Variants in HDAC9 observed in about 807,000 individuals in gnomAD.
HDAC9 encodes histone deacetylase 9, also known as MEF-2 interacting transcription repressor (MITR) protein.
Under a neutral mutation model 139.4 loss-of-function variants are expected in HDAC9, and 41 were observed. The observed-to-expected ratio is 0.29, with a 90% CI of 0.23 to 0.38. The LOEUF (loss-of-function observed/expected upper bound fraction) is 0.38, where lower values mean the gene tolerates loss of function less well. Ranked by LOEUF, HDAC9 falls within the 10% of genes least tolerant of loss-of-function variation. The pLI is 1.00. For synonymous variants in HDAC9, 517 were observed against 476.2 expected (o/e 1.09, Z -1.12); for missense variants, 1,147 against 1,297.0 (o/e 0.88, Z 1.78).
At chr7:18,744,012 G>GTTTTTTTTTTTTTTTTTTTTT (rs35414332) in intron 13 of HDAC9, among the ~76,000 whole-genome samples, 2 of 110,448 alleles carry the variant, frequency 1.8e-5, no homozygotes, top group East Asian at 3.6e-4. Context: ...TTTACTACTA[G>GTTTTTTTTTTTTTTTTTTTTT]TTTTTTTTTT....
chr7:18,425,423 T>C (rs903165405), intron 1 of HDAC9, among the ~76,000 whole-genome samples: 2 of 152,198 alleles, frequency 1.3e-5, no homozygotes, highest in African/African-American at 2.4e-5. Flanking sequence ...CATGACACAT[T>C]TTCCCATTCA....
intron 2 of HDAC9, among the ~76,000 whole-genome samples, chr7:18,506,944 GT>G (rs1428560105): frequency 6.6e-6 from 1 of 151,984 alleles, no homozygotes; most frequent in Non-Finnish European, 1.5e-5. Flanking sequence ...TTTGAGAAGT[GT>G]TCTCTCAATT....
intron 22 of HDAC9, among the ~76,000 whole-genome samples, chr7:18,928,596 A>C (rs1485854205): frequency 2.0e-5 from 3 of 152,140 alleles, no homozygotes; most frequent in African/African-American, 7.2e-5. Context: ...AAATATCTAA[A>C]AACAGAATTG....
chr7:18,698,831 TATC>T (rs1346670887), intron 12 of HDAC9, among the ~76,000 whole-genome samples: 5 of 152,084 alleles, frequency 3.3e-5, no homozygotes, highest in African/African-American at 1.2e-4. Context: ...ATTATTCTTG[TATC>T]ACATTAGTTA....
chr7:18,216,544 G>A (rs1445569859), intron 2 of HDAC9, among the ~76,000 whole-genome samples: 1 of 152,004 alleles, frequency 6.6e-6, no homozygotes, highest in Non-Finnish European at 1.5e-5. Flanking sequence ...GAACTACCCT[G>A]GCCTATGCAC....
intron 8 of HDAC9, among the ~76,000 whole-genome samples, chr7:18,635,399 A>G (rs1783580265): frequency 6.6e-6 from 1 of 152,042 alleles, no homozygotes; most frequent in African/African-American, 2.4e-5. Flanking sequence ...TGGACAAGAT[A>G]TGAACTCTAT....
At chr7:18,928,318 G>T (rs554484783) in intron 22 of HDAC9, among the ~76,000 whole-genome samples, 1 of 152,274 alleles carries the variant, frequency 6.6e-6, no homozygotes, top group South Asian at 2.1e-4. Context: ...AATAGGCATT[G>T]CTAAATATAC....
intron 1 of HDAC9, among the ~76,000 whole-genome samples, chr7:18,474,958 T>C (rs889402596): frequency 2.0e-5 from 3 of 152,176 alleles, no homozygotes; most frequent in African/African-American, 7.2e-5. Context: ...ATGTCACTTA[T>C]TGGGAAGCAT....
chr7:18,668,189 C>A, intron 12 of HDAC9: 1 of 855,250 alleles, frequency 1.2e-6, no homozygotes, highest in Non-Finnish European at 1.4e-6. Flanking sequence ...ATTAACATAA[C>A]TAGAAGTTAG....
chr7:18,650,325 G>A (rs75194130), intron 11 of HDAC9, among the ~76,000 whole-genome samples: 3 of 152,144 alleles, frequency 2.0e-5, no homozygotes, highest in Non-Finnish European at 4.4e-5. Context: ...GTATTAGATA[G>A]TAGATAGACT....
intron 1 of HDAC9, among the ~76,000 whole-genome samples, chr7:18,474,521 A>T (rs1794967011): frequency 6.6e-6 from 1 of 152,216 alleles, no homozygotes; most frequent in African/African-American, 2.4e-5. Flanking sequence ...ATATTTTATT[A>T]TCTTTGAACT....
chr7:18,268,584 A>T (rs1469166170), intron 2 of HDAC9, among the ~76,000 whole-genome samples: 1 of 152,174 alleles, frequency 6.6e-6, no homozygotes, highest in African/African-American at 2.4e-5. Flanking sequence ...GTTTAAAGAG[A>T]AAAAGAAACT....
intron 21 of HDAC9, among the ~76,000 whole-genome samples, chr7:18,874,126 A>G (rs1799137372): frequency 6.6e-6 from 1 of 152,022 alleles, no homozygotes; most frequent in South Asian, 2.1e-4. Context: ...TTTCCTCTGT[A>G]AAACATTAGT....
chr7:18,726,494 G>A (rs193028331), intron 12 of HDAC9, among the ~76,000 whole-genome samples: 255 of 152,200 alleles, frequency 1.7e-3, no homozygotes, highest in Non-Finnish European at 2.9e-3. Context: ...AGAATTAGAC[G>A]TTTAAAAATA....
At chr7:18,918,902 A>T (rs554683655) in intron 22 of HDAC9, among the ~76,000 whole-genome samples, 1 of 152,108 alleles carries the variant, frequency 6.6e-6, no homozygotes, top group African/African-American at 2.4e-5. Context: ...ACGGCCTCTC[A>T]TATTTAGTTC....
intron 2 of HDAC9, among the ~76,000 whole-genome samples, chr7:18,550,138 A>G (rs533167609): frequency 1.3e-5 from 2 of 152,260 alleles, no homozygotes; most frequent in South Asian, 4.1e-4. Flanking sequence ...CTCATTCTTT[A>G]TAACTCAATC....
chr7:18,582,036 TGCACAG>T (rs1198201103), intron 2 of HDAC9, among the ~76,000 whole-genome samples: 1 of 152,234 alleles, frequency 6.6e-6, no homozygotes, highest in African/African-American at 2.4e-5. Flanking sequence ...TCAGTCTGCA[TGCACAG>T]GCACAGGCAC....
At chr7:18,732,750 T>TGCGTATGTGTACAC (rs1554339296) in intron 13 of HDAC9, among the ~76,000 whole-genome samples, 1 of 62,674 alleles carries the variant, frequency 1.6e-5, no homozygotes, top group Non-Finnish European at 2.8e-5. Context: ...TGCGTATGTG[T>TGCGTATGTGTACAC]ACACACACGT....
intron 2 of HDAC9, among the ~76,000 whole-genome samples, chr7:18,238,893 A>G (rs556733647): frequency 1.3e-5 from 2 of 152,212 alleles, no homozygotes; most frequent in Non-Finnish European, 1.5e-5. Context: ...CAGACTCCAG[A>G]GGCAAATCAC....
Sources: gnomAD v4.1 joint callset for allele counts (sites outside exome capture counted in the v4.1 genomes callset) on GRCh38, gnomAD v4.1.1 for gene constraint, MANE v1.5 for transcripts, NCBI Gene and HGNC (gene_info 2026-07-23, HGNC 2026-07-21) for gene names.